Variants in CPQ observed in about 807,000 individuals in gnomAD.
The protein encoded by CPQ is carboxypeptidase Q.
Under a neutral mutation model 45.7 loss-of-function variants are expected in CPQ, and 37 were observed. That is an observed-to-expected ratio of 0.81 (90% confidence interval 0.62 to 1.07). The LOEUF (loss-of-function observed/expected upper bound fraction) is 1.07. Among genes scored for constraint, CPQ ranks in the 50% least tolerant of loss-of-function variants. The pLI is 0.00. For synonymous variants in CPQ, 186 were observed against 205.8 expected, an observed-to-expected ratio of 0.90 and a Z score of 0.82; for missense variants, 537 against 572.9, an observed-to-expected ratio of 0.94 and a Z score of 0.64.
At chr8:96,783,345 G>A (rs1057310171) in intron 1 of CPQ, among the ~76,000 whole-genome samples, 1 of 151,890 alleles carries the variant, frequency 6.6e-6, no homozygotes, top group Admixed American at 6.6e-5. Flanking sequence ...TTATTAGCTC[G>A]TGGTTCTGCA....
chr8:96,807,485 G>T (rs192294175), intron 2 of CPQ, among the ~76,000 whole-genome samples: 1 of 151,990 alleles, frequency 6.6e-6, no homozygotes, highest in African/African-American at 2.4e-5. Flanking sequence ...CACCCGCCTG[G>T]ACCTCCCAAA....
chr8:96,712,729 T>C (rs759683420), intron 1 of CPQ, among the ~76,000 whole-genome samples: 1 of 152,138 alleles, frequency 6.6e-6, no homozygotes, highest in Non-Finnish European at 1.5e-5. Context: ...CATTTTTCCC[T>C]CCTAGGCCTC....
At chr8:96,956,124 A>C (rs981067290) in intron 4 of CPQ, among the ~76,000 whole-genome samples, 1 of 152,216 alleles carries the variant, frequency 6.6e-6, no homozygotes, top group South Asian at 2.1e-4. Flanking sequence ...CAATCTACTT[A>C]TCTGACAAAG....
intron 5 of CPQ, among the ~76,000 whole-genome samples, chr8:96,999,432 T>C (rs1809231583): frequency 6.6e-6 from 1 of 151,972 alleles, no homozygotes; most frequent in South Asian, 2.1e-4. Context: ...TTTGTTCCCC[T>C]CTACATGTTC....
chr8:96,755,114 T>C (rs1015072160), intron 1 of CPQ, among the ~76,000 whole-genome samples: 1 of 151,970 alleles, frequency 6.6e-6, no homozygotes, highest in Non-Finnish European at 1.5e-5. Context: ...AAATTCTTGA[T>C]TAGTAATGAA....
intron 1 of CPQ, among the ~76,000 whole-genome samples, chr8:96,778,096 C>T (rs1479262669): frequency 6.6e-6 from 1 of 151,562 alleles, no homozygotes; most frequent in Admixed American, 6.6e-5. Context: ...CTATATATTT[C>T]ATTATTTTAA....
chr8:96,975,542 A>G (rs1397931675), intron 5 of CPQ, among the ~76,000 whole-genome samples: 2 of 151,982 alleles, frequency 1.3e-5, no homozygotes, highest in Non-Finnish European at 2.9e-5. Context: ...AGAGAGAGAG[A>G]GAGAAAACTA....
At chr8:96,855,463 G>A (rs577690917) in intron 3 of CPQ, among the ~76,000 whole-genome samples, 1 of 152,232 alleles carries the variant, frequency 6.6e-6, no homozygotes, top group African/African-American at 2.4e-5. Context: ...GAAATAGGGG[G>A]ATTAGCTTCC....
intron 1 of CPQ, among the ~76,000 whole-genome samples, chr8:96,673,856 G>A (rs542551790): frequency 1.3e-5 from 2 of 152,204 alleles, no homozygotes; most frequent in Non-Finnish European, 2.9e-5. Flanking sequence ...ATATCATATT[G>A]AATAAATCGC....
intron 3 of CPQ, among the ~76,000 whole-genome samples, chr8:96,863,253 A>G (rs1811953188): frequency 6.6e-6 from 1 of 152,074 alleles, no homozygotes; most frequent in South Asian, 2.1e-4. Context: ...TTGGGATTCA[A>G]TCCAGGTGGA....
intron 3 of CPQ, among the ~76,000 whole-genome samples, chr8:96,878,980 C>A (rs573860219): frequency 4.0e-4 from 61 of 152,256 alleles, no homozygotes; most frequent in African/African-American, 1.4e-3. Flanking sequence ...AGGAGCCACA[C>A]CTCAGGGGTG....
At chr8:96,952,924 T>C (rs1043046904) in intron 4 of CPQ, among the ~76,000 whole-genome samples, 1 of 152,146 alleles carries the variant, frequency 6.6e-6, no homozygotes, top group African/African-American at 2.4e-5. Flanking sequence ...TTAGTTATTA[T>C]GCCTTCCTAC....
intron 4 of CPQ, among the ~76,000 whole-genome samples, chr8:96,917,532 C>T (rs138965023): frequency 5.3e-5 from 8 of 152,144 alleles, no homozygotes; most frequent in African/African-American, 1.9e-4. Flanking sequence ...CTGCTCCAGT[C>T]CTAGAATCAG....
chr8:96,656,520 T>C (rs1815639533), intron 1 of CPQ, among the ~76,000 whole-genome samples: 2 of 152,148 alleles, frequency 1.3e-5, no homozygotes, highest in African/African-American at 4.8e-5. Flanking sequence ...ATATGCTGCA[T>C]AGAACTGCAC....
At chr8:96,701,417 A>G (rs908517506) in intron 1 of CPQ, among the ~76,000 whole-genome samples, 5 of 152,194 alleles carry the variant, frequency 3.3e-5, no homozygotes, top group African/African-American at 7.2e-5. Context: ...TAGCTATCAA[A>G]TGTAATTTGA....
intron 1 of CPQ, 22 bp from the exon 2 acceptor site, chr8:96,784,842 A>C (rs893380227): frequency 6.6e-7 from 1 of 1,509,772 alleles, no homozygotes; most frequent in Non-Finnish European, 8.9e-7. Context: ...CCCCTAAAAC[A>C]TAATGTTTCT....
chr8:96,770,831 C>T lies in CPQ; in HGVS notation c.-34-14033C>T, dbSNP rs992079337. Among the ~76,000 whole-genome samples the T allele has an allele frequency of 2.7e-5, 4 of 148,412 alleles. No individual in the cohort carries two copies. The East Asian group carries it at 7.8e-4, about 29-fold the overall frequency. The stretch of plus-strand genomic sequence containing the variant: ...TAGGCAGGCAATATAGGAGGTGATA[C>T]CTGAATTAGTTTTGAAAGGCTCTAG... On this transcript the variant is annotated intron_variant, in intron 1 of 7. Coordinates refer to ENST00000220763, the MANE Select transcript of CPQ (RefSeq NM_016134.4).
intron 1 of CPQ, among the ~76,000 whole-genome samples, chr8:96,691,503 A>G (rs569848798): frequency 6.6e-6 from 1 of 152,078 alleles, no homozygotes. Context: ...TTTCTGTGTC[A>G]TCTCTCTTCA....
chr8:96,654,524 C>G (rs1815616089), intron 1 of CPQ, among the ~76,000 whole-genome samples: 1 of 151,884 alleles, frequency 6.6e-6, no homozygotes, highest in African/African-American at 2.4e-5. Context: ...AATGAGCCTT[C>G]AAGGTCCTTA....
Sources: allele counts gnomAD v4.1 joint callset (sites outside exome capture counted in the v4.1 genomes callset), GRCh38; gene constraint gnomAD v4.1.1; transcripts MANE v1.5; gene names NCBI Gene and HGNC (gene_info 2026-07-23, HGNC 2026-07-21).